The following KHDRBS3 variants were observed in gnomAD, a reference collection of about 807,000 sequenced individuals.
KHDRBS3 encodes the protein KH RNA binding domain containing, signal transduction associated 3, also known as KH domain-containing, RNA-binding, signal transduction-associated protein 3.
KHDRBS3 carries 23 observed loss-of-function variants against 45.6 expected under a neutral mutation model. The ratio of observed to expected loss-of-function variants is 0.50; its 90% CI spans 0.36 to 0.72. The LOEUF is 0.72. Ranked by LOEUF, KHDRBS3 falls within the 30% of genes least tolerant of loss-of-function variation. The pLI, the probability that KHDRBS3 is intolerant of heterozygous loss-of-function variation, is 0.00. For synonymous variants in KHDRBS3, 162 were observed against 156.5 expected (o/e 1.04, Z -0.26); for missense variants, 352 against 424.8 (o/e 0.83, Z 1.51).
intron 1 of KHDRBS3, among the ~76,000 whole-genome samples, chr8:135,460,600 A>G (rs1347310434): frequency 6.6e-6 from 1 of 152,216 alleles, no homozygotes; most frequent in East Asian, 1.9e-4. Flanking sequence ...GCAGAAATCA[A>G]TATAATTAGT....
chr8:135,508,759 G>A (rs1025980174), intron 1 of KHDRBS3, among the ~76,000 whole-genome samples: 8 of 152,214 alleles, frequency 5.3e-5, no homozygotes, highest in Non-Finnish European at 8.8e-5. Context: ...AATGCATTGG[G>A]TTATATTAAG....
chr8:135,606,629 T>A (rs1383849390), intron 6 of KHDRBS3, among the ~76,000 whole-genome samples: 1 of 152,032 alleles, frequency 6.6e-6, no homozygotes, highest in Non-Finnish European at 1.5e-5. Flanking sequence ...CAAGTTAGAA[T>A]AGCGCAAAGC....
intron 1 of KHDRBS3, among the ~76,000 whole-genome samples, chr8:135,509,130 A>G (rs540461566): frequency 7.6e-4 from 116 of 152,310 alleles, no homozygotes; most frequent in African/African-American, 2.4e-3. Flanking sequence ...CCTCTTTTAC[A>G]TATCTTAGTA....
intron 1 of KHDRBS3, among the ~76,000 whole-genome samples, chr8:135,506,760 A>G (rs1318953654): frequency 6.6e-6 from 1 of 152,084 alleles, no homozygotes; most frequent in Admixed American, 6.6e-5. Flanking sequence ...TATTGTTAGA[A>G]TCTTCAACTC....
chr8:135,628,896 C>G (rs574289064), intron 7 of KHDRBS3, among the ~76,000 whole-genome samples: 2 of 152,312 alleles, frequency 1.3e-5, no homozygotes, highest in Non-Finnish European at 2.9e-5. Flanking sequence ...CAGACCTGTT[C>G]GAGGGTATTA....
At chr8:135,487,800 G>A (rs1261901209) in intron 1 of KHDRBS3, among the ~76,000 whole-genome samples, 3 of 152,180 alleles carry the variant, frequency 2.0e-5, no homozygotes, top group Admixed American at 2.0e-4. Flanking sequence ...GAGCGAGAAC[G>A]TTCAATGTGA....
intron 5 of KHDRBS3, among the ~76,000 whole-genome samples, chr8:135,581,612 C>T (rs1828212073): frequency 1.3e-5 from 2 of 152,112 alleles, no homozygotes; most frequent in Admixed American, 6.5e-5. Context: ...TGTGGCTTCT[C>T]CAAATATCAC....
chr8:135,504,311 A>G (rs1823882041), intron 1 of KHDRBS3, among the ~76,000 whole-genome samples: 1 of 152,224 alleles, frequency 6.6e-6, no homozygotes, highest in African/African-American at 2.4e-5. Flanking sequence ...AAAACAGGTG[A>G]CAAAATAGCT....
intron 6 of KHDRBS3, among the ~76,000 whole-genome samples, chr8:135,587,494 A>G (rs573424803): frequency 6.6e-6 from 1 of 152,348 alleles, no homozygotes; most frequent in African/African-American, 2.4e-5. Context: ...CAGTTATTTA[A>G]GTATAAATTT....
At chr8:135,651,469 G>A (rs147003035), downstream of KHDRBS3, among the ~76,000 whole-genome samples, 1 of 152,170 alleles carries the variant, frequency 6.6e-6, no homozygotes, top group South Asian at 2.1e-4. Context: ...AGGTATATTA[G>A]ATAATTAGAG....
intron 1 of KHDRBS3, among the ~76,000 whole-genome samples, chr8:135,497,414 A>G (rs1257260295): frequency 1.3e-5 from 2 of 152,122 alleles, no homozygotes; most frequent in African/African-American, 2.4e-5. Flanking sequence ...TCATCGCTAC[A>G]TTTTAATGGC....
At chr8:135,490,846 C>T (rs1299171135) in intron 1 of KHDRBS3, among the ~76,000 whole-genome samples, 1 of 152,124 alleles carries the variant, frequency 6.6e-6, no homozygotes, top group East Asian at 1.9e-4. Flanking sequence ...TGTTCCTGGC[C>T]AAATGAACCT....
intron 6 of KHDRBS3, among the ~76,000 whole-genome samples, chr8:135,590,384 T>A (rs1297103491): frequency 1.3e-5 from 2 of 152,214 alleles, no homozygotes; most frequent in African/African-American, 2.4e-5. Context: ...CTGTTGTGTT[T>A]TTATGCAGAC....
At chr8:135,610,161 G>C (rs1227676970) in intron 7 of KHDRBS3, among the ~76,000 whole-genome samples, 1 of 151,912 alleles carries the variant, frequency 6.6e-6, no homozygotes, top group Non-Finnish European at 1.5e-5. Flanking sequence ...GTCAAGGAGA[G>C]TGATGTCAAA....
At chr8:135,562,071 TTAGTG>T (rs1827196176) in intron 5 of KHDRBS3, among the ~76,000 whole-genome samples, 1 of 152,200 alleles carries the variant, frequency 6.6e-6, no homozygotes, top group African/African-American at 2.4e-5. Flanking sequence ...TAAAATAAAT[TTAGTG>T]TAGTCCAAGT....
At chr8:135,588,583 C>G (rs990399875) in intron 6 of KHDRBS3, among the ~76,000 whole-genome samples, 2 of 152,164 alleles carry the variant, frequency 1.3e-5, no homozygotes, top group African/African-American at 4.8e-5. Context: ...CAGCCAGCCA[C>G]CTCTCCTCTT....
downstream of KHDRBS3, among the ~76,000 whole-genome samples, chr8:135,651,708 G>A (rs1271384544): frequency 6.6e-6 from 1 of 152,170 alleles, no homozygotes; most frequent in Non-Finnish European, 1.5e-5. Context: ...ATTTTACAGT[G>A]CCTTAAAAAA....
chr8:135,607,616 A>G (rs868246570), intron 7 of KHDRBS3, among the ~76,000 whole-genome samples: 1 of 152,234 alleles, frequency 6.6e-6, no homozygotes, highest in Non-Finnish European at 1.5e-5. Context: ...CTTGATGTTC[A>G]TTGATACATG....
intron 2 of KHDRBS3, among the ~76,000 whole-genome samples, chr8:135,536,980 AAAAAAAAAAAAAAAAAAGG>A (rs1163708839): frequency 3.8e-5 from 2 of 51,968 alleles, no homozygotes; most frequent in Non-Finnish European, 3.5e-5. Flanking sequence ...AAAAAAAAAA[AAAAAAAAAAAAAAAAAAGG>A]AGATGTTTAG....
Sources: allele counts gnomAD v4.1 joint callset (sites outside exome capture counted in the v4.1 genomes callset), GRCh38; gene constraint gnomAD v4.1.1; transcripts MANE v1.5; gene names NCBI Gene and HGNC (gene_info 2026-07-23, HGNC 2026-07-21).